The following RAP1GAP2 variants were observed in gnomAD, a reference collection of about 807,000 sequenced individuals.
RAP1GAP2 encodes rap1 GTPase-activating protein 2.
A neutral mutation model predicts 95.0 loss-of-function variants in RAP1GAP2; 27 were observed. The ratio of observed to expected loss-of-function variants is 0.28; its 90% CI spans 0.21 to 0.39. The LOEUF (loss-of-function observed/expected upper bound fraction) is 0.39, where lower values mean the gene tolerates loss of function less well. Among genes scored for constraint, RAP1GAP2 ranks in the 10% least tolerant of loss-of-function variants. RAP1GAP2 has a pLI of 1.00. For synonymous variants in RAP1GAP2, 373 were observed against 380.9 expected (o/e 0.98, Z 0.24); for missense variants, 771 against 970.0 (o/e 0.79, Z 2.72).
At chr17:2,958,173 G>A (rs1365495401) in intron 4 of RAP1GAP2, among the ~76,000 whole-genome samples, 1 of 152,114 alleles carries the variant, frequency 6.6e-6, no homozygotes, top group African/African-American at 2.4e-5. Context: ...GCAGAGGGGT[G>A]GGGTGGGAGG....
chr17:2,988,182 C>G (rs892903376), intron 11 of RAP1GAP2, among the ~76,000 whole-genome samples: 3 of 150,528 alleles, frequency 2.0e-5, no homozygotes, highest in Admixed American at 6.6e-5. Flanking sequence ...TGCACTCCAG[C>G]TGGAGCAACG....
At chr17:2,899,491 G>A (rs1160037891) in intron 2 of RAP1GAP2, among the ~76,000 whole-genome samples, 7 of 150,324 alleles carry the variant, frequency 4.7e-5, no homozygotes, top group South Asian at 2.1e-4. Flanking sequence ...GATTACAGGC[G>A]TCAGCCACCA....
chr17:2,838,379 C>T (rs960616760), intron 2 of RAP1GAP2, among the ~76,000 whole-genome samples: 2 of 152,154 alleles, frequency 1.3e-5, no homozygotes, highest in Middle Eastern at 3.4e-3. Flanking sequence ...GAAGTGCAGG[C>T]AGCTGGCGAC....
intron 3 of RAP1GAP2, among the ~76,000 whole-genome samples, chr17:2,927,376 A>G (rs968522697): frequency 2.0e-5 from 3 of 151,220 alleles, no homozygotes; most frequent in South Asian, 2.1e-4. Context: ...GATGGTCTCG[A>G]TCTCCTGACC....
upstream of RAP1GAP2, among the ~76,000 whole-genome samples, chr17:2,773,356 A>G (rs763370625): frequency 1.3e-5 from 2 of 152,188 alleles, no homozygotes; most frequent in Non-Finnish European, 2.9e-5. Flanking sequence ...TAGACTCAAA[A>G]TTAGACCGGG....
rs2151495385 is a variant in RAP1GAP2 at position 2,965,948 on chromosome 17, T to C, written c.596+305T>C. ...GCTCTGAGGAAGACGGGAAGAAAAG[T>C]AGGGATGGTTCAGTGTGACTCATCC... On this transcript the variant is annotated intron_variant, in intron 8 of 24. Coordinates refer to ENST00000254695, the MANE Select transcript of RAP1GAP2 (RefSeq NM_015085.5). The surrounding 1 kb of genome is among the most constrained non-coding windows in gnomAD (Gnocchi z 4.7). 2.7e-6 allele frequency: 1 copy of C among 376,302 alleles called. No individual in the cohort carries two copies. Among genetic ancestry groups the C allele is most frequent in the Non-Finnish European group, 4.9e-6 (1 of 203,012 alleles). 23.3% of individuals were successfully genotyped at this position (376,302 alleles called of 1,614,324 possible). A position where few individuals can be genotyped will look rare whatever the true frequency, so the allele number is the denominator to read the frequency against.
intron 1 of RAP1GAP2, among the ~76,000 whole-genome samples, chr17:2,760,887 T>A (rs1158137396): frequency 2.6e-5 from 4 of 152,164 alleles, no homozygotes; most frequent in Admixed American, 1.3e-4. Flanking sequence ...TTTCTCATGA[T>A]TAAACTGGTA....
chr17:2,873,169 G>A (rs1294033497), intron 2 of RAP1GAP2, among the ~76,000 whole-genome samples: 3 of 150,878 alleles, frequency 2.0e-5, no homozygotes, highest in African/African-American at 7.3e-5. Context: ...GCATAAAGAA[G>A]CTGCAGTAGG....
chr17:2,845,943 G>A lies in RAP1GAP2; in HGVS notation c.80+45393G>A, dbSNP rs553182829. Among the ~76,000 whole-genome samples, 10 of 151,698 alleles carry A rather than the reference G, an allele frequency of 6.6e-5. No homozygotes were observed. In the East Asian group the frequency reaches 1.4e-3, roughly 21 times the overall value. ...TCACGCCTGTAATTCCAGCACTTTCGGAGGCCAAGGCGGGTGAATTCCGAG... is the reference window on the plus strand; with the variant it reads ...TCACGCCTGTAATTCCAGCACTTTCAGAGGCCAAGGCGGGTGAATTCCGAG... On this transcript the variant is annotated intron_variant, in intron 2 of 24. Transcript: ENST00000254695.
chr17:2,923,943 T>G (rs1045477286), intron 3 of RAP1GAP2, among the ~76,000 whole-genome samples: 3 of 152,186 alleles, frequency 2.0e-5, no homozygotes, highest in Non-Finnish European at 2.9e-5. Context: ...TCAATTTTCC[T>G]TGCATTAACC....
At position 2,871,798 on chromosome 17, in the gene RAP1GAP2, A is replaced by ATGACGTAGAATGAGGTCAT. The variant is rs570345996; in HGVS notation, c.81-33484_81-33466dup. ...ATGTGCATCTTTCCACACACGTGGA[A>ATGACGTAGAATGAGGTCAT]TGACGTAGAATGAGGTCATTCACGG... On this transcript the variant is annotated intron_variant, in intron 2 of 24. Transcript: ENST00000254695. The surrounding 1 kb of genome is among the most constrained non-coding windows in gnomAD (Gnocchi z 5.0). Among the ~76,000 whole-genome samples, 410 of 152,348 alleles carry ATGACGTAGAATGAGGTCAT rather than the reference A, an allele frequency of 2.7e-3. No individual in the cohort carries two copies. The highest frequency in any genetic ancestry group is 3.2e-3 in the Non-Finnish European group (216 of 68,036).
intron 1 of RAP1GAP2, among the ~76,000 whole-genome samples, chr17:2,778,171 G>A (rs2068551150): frequency 6.8e-6 from 1 of 146,024 alleles, no homozygotes; most frequent in Admixed American, 6.8e-5. Flanking sequence ...TGGGTTTTCT[G>A]AGTCCTGGGG....
chr17:2,853,377 C>T (rs1209332154), intron 2 of RAP1GAP2, among the ~76,000 whole-genome samples: 4 of 151,928 alleles, frequency 2.6e-5, no homozygotes, highest in Admixed American at 6.5e-5. Flanking sequence ...CCTGTTTTCT[C>T]TCCCTCTGTT....
At chr17:2,787,809 T>C (rs2151458896) in intron 1 of RAP1GAP2, among the ~76,000 whole-genome samples, 1 of 152,052 alleles carries the variant, frequency 6.6e-6, no homozygotes, top group African/African-American at 2.4e-5. Context: ...CCTCGTGATC[T>C]GCCCGCCTCG....
At chr17:2,780,820 T>C (rs2068628661) in intron 1 of RAP1GAP2, among the ~76,000 whole-genome samples, 1 of 152,254 alleles carries the variant, frequency 6.6e-6, no homozygotes, top group Admixed American at 6.5e-5. Context: ...GCTCCCCTTT[T>C]AAAGCGGGCA....
intron 12 of RAP1GAP2, among the ~76,000 whole-genome samples, chr17:2,994,275 C>T (rs748764261): frequency 3.3e-5 from 5 of 152,140 alleles, no homozygotes; most frequent in Non-Finnish European, 5.9e-5. Context: ...CATTTTCTGG[C>T]TTGTATTGTA....
At chr17:2,920,113 TC>T (rs2042708016) in intron 3 of RAP1GAP2, among the ~76,000 whole-genome samples, 1 of 151,664 alleles carries the variant, frequency 6.6e-6, no homozygotes, top group South Asian at 2.1e-4. Flanking sequence ...CAAGCAACTG[TC>T]CTACCTCAGC....
chr17:2,863,728 G>A (rs2072505492), intron 2 of RAP1GAP2, among the ~76,000 whole-genome samples: 1 of 152,080 alleles, frequency 6.6e-6, no homozygotes, highest in Non-Finnish European at 1.5e-5. Context: ...TCTTGTCTTT[G>A]GTTGATGGAT....
chr17:2,819,870 A>G lies in RAP1GAP2; in HGVS notation c.80+19320A>G, dbSNP rs542987253. Among the ~76,000 whole-genome samples the G allele has an allele frequency of 6.6e-5, 10 of 150,728 alleles. No individual in the cohort carries two copies. In the East Asian group the frequency reaches 1.2e-3, roughly 18 times the overall value. On this transcript the variant is annotated intron_variant, in intron 2 of 24. Transcript: ENST00000254695. ...GTGATCCTGGCTCACTGTAGCCTCA[A>G]TACCCCCAGGGCTCAAGTGATTCTC...
Sources: gnomAD v4.1 joint callset for allele counts (sites outside exome capture counted in the v4.1 genomes callset) on GRCh38, gnomAD v4.1.1 for gene constraint, Gnocchi (gnomAD v3.1) non-coding constraint, MANE v1.5 for transcripts, NCBI Gene and HGNC (gene_info 2026-07-23, HGNC 2026-07-21) for gene names.